The following DMD variants were observed in gnomAD, a reference collection of about 807,000 sequenced individuals.
DMD encodes dystrophin, also known as mutant dystrophin.
Under a neutral mutation model 330.1 loss-of-function variants are expected in DMD, and 63 were observed. The ratio of observed to expected loss-of-function variants is 0.19; its 90% confidence interval spans 0.16 to 0.24. DMD has a LOEUF of 0.24. Among genes scored for constraint, DMD ranks in the 10% least tolerant of loss-of-function variants. The pLI, the probability that DMD is intolerant of heterozygous loss-of-function variation, is 1.00. For missense variants in DMD, 3,344 were observed against 2,684.1 expected, an observed-to-expected ratio of 1.25 and a Z score of -5.43; for synonymous variants, 1,223 against 959.8, an observed-to-expected ratio of 1.27 and a Z score of -5.07.
At chrX:31,334,696 T>G (rs1335652783) in intron 61 of DMD, among the ~76,000 whole-genome samples, 1 of 112,202 alleles carries the variant, frequency 8.9e-6, no homozygotes, top group African/African-American at 3.2e-5. Flanking sequence ...ATGTCACTTC[T>G]TAGCTCAGAA....
intron 11 of DMD, among the ~76,000 whole-genome samples, chrX:32,626,601 G>T (rs1250383388): frequency 9.5e-6 from 1 of 104,979 alleles, no homozygotes; most frequent in East Asian, 2.8e-4. Context: ...GCTGTCATCT[G>T]CTTAAATAAG....
intron 1 of DMD, among the ~76,000 whole-genome samples, chrX:33,042,215 T>C (rs943723991): frequency 1.8e-5 from 2 of 112,019 alleles, no homozygotes; most frequent in Admixed American, 1.9e-4. Flanking sequence ...CCAGGTAAAT[T>C]GGAAGGCTTC....
At chrX:32,607,271 T>A (rs1374050777) in intron 12 of DMD, among the ~76,000 whole-genome samples, 1 of 110,647 alleles carries the variant, frequency 9.0e-6, no homozygotes, top group East Asian at 2.8e-4. Flanking sequence ...CGTATTCACA[T>A]TATCCTTGCA....
At chrX:31,409,433 T>C (rs928243550) in intron 60 of DMD, among the ~76,000 whole-genome samples, 2 of 112,287 alleles carry the variant, frequency 1.8e-5, no homozygotes, top group African/African-American at 6.5e-5. Context: ...CCTCCTTTAC[T>C]ACAATGGGGG....
intron 55 of DMD, among the ~76,000 whole-genome samples, chrX:31,602,802 C>T (rs1603419855): frequency 9.0e-6 from 1 of 111,573 alleles, no homozygotes; most frequent in South Asian, 3.8e-4. Flanking sequence ...GCTTTCTCTT[C>T]CTTGGGTTGC....
intron 1 of DMD, among the ~76,000 whole-genome samples, chrX:33,182,705 A>T (rs780571521): frequency 2.7e-5 from 3 of 112,509 alleles, no homozygotes; most frequent in South Asian, 7.2e-4. Context: ...TATTTTTCTA[A>T]TTTGCATAAA....
intron 41 of DMD, among the ~76,000 whole-genome samples, chrX:32,325,801 A>ATTT (rs56390411): frequency 4.9e-5 from 4 of 81,673 alleles, no homozygotes; most frequent in African/African-American, 8.8e-5. Context: ...TAAGTACTCA[A>ATTT]TTTTTTTTTT....
intron 2 of DMD, among the ~76,000 whole-genome samples, chrX:32,912,484 T>C (rs1327505297): frequency 2.7e-5 from 3 of 111,384 alleles, no homozygotes; most frequent in Admixed American, 1.9e-4. Flanking sequence ...CAAGGAACCT[T>C]GTTTGTAATA....
At chrX:33,087,287 A>AT (rs2095022136) in intron 1 of DMD, among the ~76,000 whole-genome samples, 1 of 112,628 alleles carries the variant, frequency 8.9e-6, no homozygotes, top group African/African-American at 3.2e-5. Context: ...TGCTCTTGGT[A>AT]TAAAAAAGCA....
Position 32,121,421 on chromosome X carries a change from C to A in DMD, c.6438+95495G>T, listed in dbSNP as rs778037478. ...CTGCTTCCTGCTTCTGATGTCTCCA[C>A]CTGCAGGTGGTGGCACTGGCCCCTG... On this transcript the variant is annotated intron_variant, in intron 44 of 78. Transcript: ENST00000357033. 1.1e-3 allele frequency among the ~76,000 whole-genome samples: 118 copies of A among 106,392 alleles called. 1 individual carries two copies. The highest frequency in any genetic ancestry group is 3.6e-3 in the African/African-American group (104 of 29,172). The allele number at this position is 106,392 out of a possible 115,157, so 92.4% of individuals were successfully genotyped here.
In DMD at chrX:32,131,554, A is replaced by C. The variant is rs147234275; in HGVS notation, c.6438+85362T>G. Among the ~76,000 whole-genome samples, 20 of 112,238 alleles carry C rather than the reference A, an allele frequency of 1.8e-4. No homozygotes were observed. In the East Asian group the frequency reaches 4.8e-3, roughly 27 times the overall value. ...TGTGATGGAGCTAGGGATTGTCAAGATCATGTATAGACATCCTAACATTCT... is the reference window on the plus strand; with the variant it reads ...TGTGATGGAGCTAGGGATTGTCAAGCTCATGTATAGACATCCTAACATTCT... On this transcript the variant is annotated intron_variant, in intron 44 of 78. Coordinates refer to ENST00000357033, the MANE Select transcript of DMD (RefSeq NM_004006.3).
intron 55 of DMD, among the ~76,000 whole-genome samples, chrX:31,575,651 C>G (rs1193174330): frequency 8.9e-6 from 1 of 111,818 alleles, no homozygotes; most frequent in Non-Finnish European, 1.9e-5. Flanking sequence ...AAGTAAGTGC[C>G]AAGCTTATTG....
intron 1 of DMD, among the ~76,000 whole-genome samples, chrX:33,251,909 G>C (rs886116338): frequency 2.7e-5 from 3 of 112,256 alleles, no homozygotes; most frequent in Non-Finnish European, 5.6e-5. Flanking sequence ...GAACTTTCTA[G>C]TTGGGGATAC....
At chrX:31,830,180 T>C (rs1400421778) in intron 49 of DMD, among the ~76,000 whole-genome samples, 4 of 112,871 alleles carry the variant, frequency 3.5e-5, no homozygotes, top group African/African-American at 6.4e-5. Flanking sequence ...TCATTCCTAA[T>C]GTATAGCTTC....
chrX:32,810,095 C>A (rs969630077), intron 6 of DMD, among the ~76,000 whole-genome samples: 3 of 110,354 alleles, frequency 2.7e-5, no homozygotes, highest in African/African-American at 9.9e-5. Context: ...TGTACTCTAG[C>A]CTGGGCAACA....
chrX:32,022,265 C>T (rs992596257), intron 44 of DMD, among the ~76,000 whole-genome samples: 4 of 111,679 alleles, frequency 3.6e-5, no homozygotes, highest in Admixed American at 9.5e-5. Flanking sequence ...CTTAATATAG[C>T]CTACGTGGAC....
intron 60 of DMD, among the ~76,000 whole-genome samples, chrX:31,428,323 C>A (rs147530718): frequency 0.013 from 1,487 of 110,805 alleles, 22 homozygotes; most frequent in African/African-American, 0.046. Context: ...CCCCTCACTC[C>A]ATCTCTCACC....
chrX:31,841,897 C>T (rs1309707930), intron 48 of DMD, among the ~76,000 whole-genome samples: 1 of 112,345 alleles, frequency 8.9e-6, no homozygotes, highest in African/African-American at 3.2e-5. Flanking sequence ...TGCCTGCTAA[C>T]ACAACATCCA....
intron 27 of DMD, among the ~76,000 whole-genome samples, chrX:32,447,765 G>C (rs1230885274): frequency 9.0e-6 from 1 of 111,723 alleles, no homozygotes; most frequent in Non-Finnish European, 1.9e-5. Flanking sequence ...GTGCCCCTTG[G>C]CACAGTATTT....
Sources: allele counts gnomAD v4.1 joint callset (sites outside exome capture counted in the v4.1 genomes callset), GRCh38; gene constraint gnomAD v4.1.1; transcripts MANE v1.5; gene names NCBI Gene and HGNC (gene_info 2026-07-23, HGNC 2026-07-21).